FAM107B: variants seen among roughly 807,000 people sequenced by gnomAD.
FAM107B encodes the protein protein FAM107B.
FAM107B carries 21 observed loss-of-function variants against 31.5 expected under a neutral mutation model. That is an observed-to-expected ratio of 0.67 (90% confidence interval 0.47 to 0.96). FAM107B has a LOEUF of 0.96. Ranked by LOEUF, FAM107B falls within the 40% of genes least tolerant of loss-of-function variation. The pLI is 0.00. For missense variants in FAM107B, 452 were observed against 377.1 expected (o/e 1.20, Z -1.64); for synonymous variants, 157 against 141.5 (o/e 1.11, Z -0.78).
intron 1 of FAM107B, among the ~76,000 whole-genome samples, chr10:14,747,203 T>A (rs2131578785): frequency 6.6e-6 from 1 of 152,348 alleles, no homozygotes; most frequent in East Asian, 1.9e-4. Flanking sequence ...TAATATTTTA[T>A]CGTGGTTCTT....
intron 1 of FAM107B, among the ~76,000 whole-genome samples, chr10:14,772,190 T>A (rs1235938403): frequency 6.6e-6 from 1 of 151,848 alleles, no homozygotes; most frequent in Non-Finnish European, 1.5e-5. Flanking sequence ...CCATCTCTAC[T>A]GAAAATACAA....
chr10:14,615,815 AT>A (rs1284665578), intron 2 of FAM107B, among the ~76,000 whole-genome samples: 2 of 152,188 alleles, frequency 1.3e-5, no homozygotes, highest in Non-Finnish European at 2.9e-5. Flanking sequence ...CTAAGCAATA[AT>A]TTTTTGTATG....
intron 3 of FAM107B, 56 bp downstream of exon 3, chr10:14,530,276 T>C (rs1029129094): frequency 3.4e-6 from 5 of 1,492,396 alleles, no homozygotes; most frequent in Non-Finnish European, 4.5e-6. Flanking sequence ...TAAAATTAGA[T>C]ATCATGATCT....
intron 1 of FAM107B, among the ~76,000 whole-genome samples, chr10:14,718,877 G>A (rs1023304312): frequency 2.6e-5 from 4 of 152,168 alleles, no homozygotes; most frequent in Non-Finnish European, 4.4e-5. Flanking sequence ...GCCTCTTCAC[G>A]TAGTATAGCC....
chr10:14,664,147 G>A (rs1854343785), intron 2 of FAM107B, among the ~76,000 whole-genome samples: 1 of 152,136 alleles, frequency 6.6e-6, no homozygotes, highest in Non-Finnish European at 1.5e-5. Context: ...TTCAGCACAT[G>A]CTGTATTCTA....
At chr10:14,554,505 G>A (rs1286189358) in intron 2 of FAM107B, among the ~76,000 whole-genome samples, 2 of 152,226 alleles carry the variant, frequency 1.3e-5, no homozygotes, top group Non-Finnish European at 2.9e-5. Flanking sequence ...GGAGGCAGGA[G>A]AGGGATGAAG....
At chr10:14,650,815 C>T (rs1242764888) in intron 2 of FAM107B, among the ~76,000 whole-genome samples, 1 of 152,170 alleles carries the variant, frequency 6.6e-6, no homozygotes, top group East Asian at 1.9e-4. Flanking sequence ...CGTATATGCT[C>T]ATAGTAAAAG....
intron 1 of FAM107B, among the ~76,000 whole-genome samples, chr10:14,669,863 C>A (rs1466329083): frequency 1.3e-5 from 2 of 152,138 alleles, no homozygotes; most frequent in Non-Finnish European, 2.9e-5. Context: ...ATGTTCATAG[C>A]AGAGCAAGGT....
chr10:14,640,992 G>A (rs1853613886), intron 2 of FAM107B, among the ~76,000 whole-genome samples: 1 of 152,046 alleles, frequency 6.6e-6, no homozygotes, highest in Non-Finnish European at 1.5e-5. Context: ...CTCCAAATTG[G>A]CTTGGACTCA....
At chr10:14,599,525 A>G (rs1852298228) in intron 2 of FAM107B, among the ~76,000 whole-genome samples, 1 of 152,174 alleles carries the variant, frequency 6.6e-6, no homozygotes, top group South Asian at 2.1e-4. Flanking sequence ...TTGGTAGGCT[A>G]GGCCTGGGGG....
At chr10:14,722,857 C>A (rs1382377138) in intron 1 of FAM107B, among the ~76,000 whole-genome samples, 1 of 151,830 alleles carries the variant, frequency 6.6e-6, no homozygotes, top group African/African-American at 2.4e-5. Context: ...TATTGCTTAT[C>A]TTTTGGGTGT....
At chr10:14,606,223 C>G (rs1852586338) in intron 2 of FAM107B, among the ~76,000 whole-genome samples, 1 of 152,164 alleles carries the variant, frequency 6.6e-6, no homozygotes, top group Admixed American at 6.5e-5. Context: ...CCTTGTCATG[C>G]TCTTCCACGG....
chr10:14,667,747 A>G, intron 1 of FAM107B, 56 bp from the exon 2 acceptor site: 1 of 1,568,688 alleles, frequency 6.4e-7, no homozygotes, highest in Non-Finnish European at 8.8e-7. Context: ...ATATGCATTA[A>G]TGTAAGGCAA....
chr10:14,674,097 A>G (rs1398554350), intron 1 of FAM107B, among the ~76,000 whole-genome samples: 2 of 152,222 alleles, frequency 1.3e-5, no homozygotes, highest in African/African-American at 4.8e-5. Flanking sequence ...CCAAAAATCA[A>G]CTCAAAATGC....
Position 14,628,260 on chromosome 10 carries a change from G to C in FAM107B, c.469+39374C>G, listed in dbSNP as rs1376673192. 3.3e-5 allele frequency among the ~76,000 whole-genome samples: 5 copies of C among 151,932 alleles called. No homozygotes were observed. The East Asian group carries it at 5.8e-4, about 18-fold the overall frequency. On this transcript the variant is annotated intron_variant, in intron 2 of 4. Coordinates refer to ENST00000181796, the MANE Select transcript of FAM107B (RefSeq NM_031453.4). ...GGCTCCCAAGTAGCTGGGATTACAGGCGCCCACCATCACGCCCAGCTAACT... is the reference window on the plus strand; with the variant it reads ...GGCTCCCAAGTAGCTGGGATTACAGCCGCCCACCATCACGCCCAGCTAACT...
chr10:14,756,744 A>G (rs1243900651), intron 1 of FAM107B, among the ~76,000 whole-genome samples: 3 of 152,250 alleles, frequency 2.0e-5, no homozygotes, highest in Non-Finnish European at 4.4e-5. Context: ...CACAATAGCA[A>G]AGACATGAAA....
At chr10:14,688,821 A>T (rs531242299) in intron 1 of FAM107B, among the ~76,000 whole-genome samples, 1 of 152,292 alleles carries the variant, frequency 6.6e-6, no homozygotes, top group East Asian at 1.9e-4. Context: ...TGCTGCTAAC[A>T]CAATCCAGAT....
In FAM107B at chr10:14,631,962, C is replaced by T. The variant is rs988262639; in HGVS notation, c.469+35672G>A. Among the ~76,000 whole-genome samples the T allele has an allele frequency of 2.4e-4, 36 of 152,130 alleles. No individual in the cohort carries two copies. In the East Asian group the frequency reaches 2.7e-3, roughly 11 times the overall value. ...AGCTTGTAGCCCACGAAAAAAAGTGCAGGTTCCTGAGCCATTAGGACCATT... is the reference window on the plus strand; with the variant it reads ...AGCTTGTAGCCCACGAAAAAAAGTGTAGGTTCCTGAGCCATTAGGACCATT... On this transcript the variant is annotated intron_variant, in intron 2 of 4. Transcript: ENST00000181796.
chr10:14,660,078 T>C (rs1212240554), intron 2 of FAM107B, among the ~76,000 whole-genome samples: 1 of 152,062 alleles, frequency 6.6e-6, no homozygotes, highest in Non-Finnish European at 1.5e-5. Context: ...CTAGGTGACC[T>C]TTAGCAAAAA....
Sources: allele counts gnomAD v4.1 joint callset (sites outside exome capture counted in the v4.1 genomes callset), GRCh38; gene constraint gnomAD v4.1.1; transcripts MANE v1.5; gene names NCBI Gene and HGNC (gene_info 2026-07-23, HGNC 2026-07-21).